Variants in KIF27 observed in about 807,000 individuals in gnomAD.
The protein encoded by KIF27 is kinesin family member 27.
Under a neutral mutation model 141.8 loss-of-function variants are expected in KIF27, and 84 were observed. The observed-to-expected ratio is 0.59, with a 90% confidence interval of 0.50 to 0.71. The LOEUF is 0.71. KIF27 is among the 30% of genes least tolerant of loss of function. KIF27 has a pLI of 0.00. For missense variants in KIF27, 1,306 were observed against 1,628.4 expected, an observed-to-expected ratio of 0.80 and a Z score of 3.41; for synonymous variants, 471 against 569.5, an observed-to-expected ratio of 0.83 and a Z score of 2.46.
At chr9:83,849,212 A>C (rs1042238227) in intron 16 of KIF27, among the ~76,000 whole-genome samples, 1 of 152,226 alleles carries the variant, frequency 6.6e-6, no homozygotes, top group African/African-American at 2.4e-5. Context: ...GAACTAAACT[A>C]AGGTAAGGAG....
chr9:83,863,135 A>C (rs1260028593), intron 13 of KIF27, among the ~76,000 whole-genome samples: 2 of 152,106 alleles, frequency 1.3e-5, no homozygotes, highest in Non-Finnish European at 2.9e-5. Context: ...GGACAATTTG[A>C]CTTCCTCTTT....
chr9:83,853,685 G>C lies in KIF27; in HGVS notation c.3301C>G (p.Leu1101Val), dbSNP rs1206706411. ...ATCTCAACAGGACTCAGGCAAGCTA[G>C]CTTTTCCAAGACATTTGCTTCACCA... Reference protein sequence around the residue: ...SRGEANVLEKLACLSPVEIRT... With the variant: ...SRGEANVLEKVACLSPVEIRT... Residue 1101 changes from leucine to valine, a missense_variant, in exon 15 of 18, where the codon CTA (leucine) becomes GTA (valine). Physicochemically the swap from Leu to Val is conservative, Grantham distance 32 (BLOSUM62 1). Around this residue, in one of 4 missense-constraint regions of KIF27, gnomAD observed 596 missense variants for 751.6 expected, o/e 0.79. Transcript: ENST00000297814. The C allele has an allele frequency of 1.2e-6, 2 of 1,613,872 alleles. No homozygotes were observed. The highest frequency in any genetic ancestry group is 3.3e-5 in the Admixed American group (2 of 60,018).
intron 14 of KIF27, among the ~76,000 whole-genome samples, chr9:83,854,199 G>T (rs543693302): frequency 1.6e-4 from 24 of 152,286 alleles, no homozygotes; most frequent in Non-Finnish European, 3.1e-4. Flanking sequence ...TAAGCCCACA[G>T]GATTAGCAGT....
At chr9:83,869,728 A>G (rs1332893435) in intron 12 of KIF27, among the ~76,000 whole-genome samples, 6 of 152,268 alleles carry the variant, frequency 3.9e-5, no homozygotes, top group Middle Eastern at 3.4e-3. Flanking sequence ...CTCTGTCTCA[A>G]AAAAAATAAA....
At chr9:83,918,715 AG>A (rs1210738937) in intron 1 of KIF27, among the ~76,000 whole-genome samples, 4 of 152,056 alleles carry the variant, frequency 2.6e-5, no homozygotes, top group Admixed American at 2.6e-4. Flanking sequence ...CTGAGGTGGG[AG>A]GATGACCTGA....
intron 14 of KIF27, 69 bp from the exon 15 acceptor site, chr9:83,853,904 C>A (rs1029256833): frequency 7.2e-5 from 83 of 1,156,798 alleles, no homozygotes; most frequent in Non-Finnish European, 9.9e-5. Context: ...ATACTCAGAT[C>A]CTCCTAAGCT....
chr9:83,904,908 T>C (rs1017163646), intron 3 of KIF27, among the ~76,000 whole-genome samples: 2 of 150,660 alleles, frequency 1.3e-5, no homozygotes, highest in Non-Finnish European at 3.0e-5. Context: ...GGTTTATAAA[T>C]AAAGTTGGTT....
chr9:83,851,000 G>C (rs979588644), intron 15 of KIF27, among the ~76,000 whole-genome samples: 61 of 151,176 alleles, frequency 4.0e-4, no homozygotes, highest in African/African-American at 1.4e-3. Flanking sequence ...ACCACGCCCA[G>C]CTAATTTTTT....
intron 13 of KIF27, among the ~76,000 whole-genome samples, chr9:83,861,331 T>TC (rs1564322381): frequency 2.0e-5 from 3 of 148,388 alleles, no homozygotes; most frequent in African/African-American, 7.4e-5. Context: ...CCTCCCCCCT[T>TC]CCCCCACCCC....
At chr9:83,848,146 C>CTGATATATCATATATGATATATA (rs1947716792) in intron 16 of KIF27, among the ~76,000 whole-genome samples, 1 of 44,780 alleles carries the variant, frequency 2.2e-5, no homozygotes, top group Non-Finnish European at 4.1e-5. Flanking sequence ...TATGATATAT[C>CTGATATATCATATATGATATATA]TGATATATCA....
chr9:83,919,768 G>A (rs1318046444), intron 1 of KIF27, among the ~76,000 whole-genome samples: 4 of 150,954 alleles, frequency 2.6e-5, no homozygotes, highest in African/African-American at 9.8e-5. Context: ...GGTGGCGTGC[G>A]CCTGTAATCC....
Position 83,903,923 on chromosome 9 carries a change from G to C in KIF27, c.595C>G (p.Gln199Glu), listed in dbSNP as rs921525533. ...GNAARHTGTT[Q>E]MNEHSSRSHA... Reference sequence around the variant, plus strand: ...GATCTGCTGGAGTGCTCATTCATTTGAGTGGTACCTGTATGTCTGGCTGCA... The same window carrying C: ...GATCTGCTGGAGTGCTCATTCATTTCAGTGGTACCTGTATGTCTGGCTGCA... Residue 199 changes from glutamine (Q) to glutamate (E), a missense_variant, in exon 4 of 18, where the codon CAA becomes GAA. By Grantham distance (29) the Gln-to-Glu change is conservative. Transcript: ENST00000297814. 2 of 1,614,132 alleles carry C rather than the reference G, an allele frequency of 1.2e-6. No homozygotes were observed. Among genetic ancestry groups the C allele is most frequent in the African/African-American group, 2.7e-5 (2 of 75,022 alleles).
At chr9:83,908,918 CTAT>C (rs1012442603) in intron 2 of KIF27, among the ~76,000 whole-genome samples, 5 of 152,062 alleles carry the variant, frequency 3.3e-5, no homozygotes, top group African/African-American at 4.8e-5. Context: ...CACCACCAGG[CTAT>C]TATAACTCTT....
At chr9:83,906,359 T>C (rs1219558737) in intron 3 of KIF27, among the ~76,000 whole-genome samples, 1 of 152,180 alleles carries the variant, frequency 6.6e-6, no homozygotes, top group Admixed American at 6.5e-5. Flanking sequence ...CATCTTACTT[T>C]CCTAACTTTC....
intron 16 of KIF27, among the ~76,000 whole-genome samples, chr9:83,847,045 T>G (rs1477578245): frequency 6.6e-6 from 1 of 152,128 alleles, no homozygotes; most frequent in Non-Finnish European, 1.5e-5. Flanking sequence ...TAAGGTCAAC[T>G]GGAAACTACA....
chr9:83,867,560 G>C, intron 13 of KIF27, 124 bp downstream of exon 13: 1 of 1,219,426 alleles, frequency 8.2e-7, no homozygotes, highest in South Asian at 2.1e-5. Context: ...AGCAGTGTAT[G>C]AAGGTCCCAA....
chr9:83,912,754 A>G (rs1323236572), intron 2 of KIF27, among the ~76,000 whole-genome samples: 2 of 152,172 alleles, frequency 1.3e-5, no homozygotes, highest in Non-Finnish European at 2.9e-5. Flanking sequence ...TAGCTATTAT[A>G]TGGTATTTAA....
At chr9:83,870,445 G>C (rs1283143924) in intron 12 of KIF27, 74 bp downstream of exon 12, 9 of 1,580,032 alleles carry the variant, frequency 5.7e-6, no homozygotes, top group Non-Finnish European at 7.8e-6. Context: ...AGGATTACAG[G>C]TGTGAGTTTA....
intron 11 of KIF27, 25 bp from the exon 12 acceptor site, chr9:83,870,657 C>T (rs572799602): frequency 6.2e-7 from 1 of 1,609,790 alleles, no homozygotes; most frequent in South Asian, 1.1e-5. Context: ...ATTGAAAACA[C>T]CTTATTGCTT....
Sources: allele counts gnomAD v4.1 joint callset (sites outside exome capture counted in the v4.1 genomes callset), GRCh38; gene constraint gnomAD v4.1.1; regional missense constraint gnomAD v4.1.1; transcripts MANE v1.5; gene names NCBI Gene and HGNC (gene_info 2026-07-23, HGNC 2026-07-21).